CSMD1: variants seen among roughly 807,000 people sequenced by gnomAD.
CSMD1 encodes the protein CUB and sushi domain-containing protein 1.
A neutral mutation model predicts 417.5 loss-of-function variants in CSMD1; 213 were observed. The ratio of observed to expected loss-of-function variants is 0.51; its 90% confidence interval spans 0.46 to 0.57. The LOEUF (loss-of-function observed/expected upper bound fraction) is 0.57, where lower values mean the gene tolerates loss of function less well. Among genes scored for constraint, CSMD1 ranks in the 20% least tolerant of loss-of-function variants. CSMD1 has a pLI of 0.00. For synonymous variants in CSMD1, 2,862 were observed against 1,736.8 expected (o/e 1.65, Z -16.11); for missense variants, 6,923 against 4,529.7 (o/e 1.53, Z -15.17).
chr8:3,528,192 G>C (rs1046549152), intron 10 of CSMD1, among the ~76,000 whole-genome samples: 4 of 152,214 alleles, frequency 2.6e-5, no homozygotes, highest in Non-Finnish European at 5.9e-5. Flanking sequence ...ATCAAAGTTT[G>C]ATTTTGTTGC....
intron 25 of CSMD1, among the ~76,000 whole-genome samples, chr8:3,295,015 A>G (rs1265127835): frequency 6.6e-6 from 1 of 152,172 alleles, no homozygotes. Context: ...GTGTATTTGT[A>G]TTCCTAAACA....
intron 4 of CSMD1, among the ~76,000 whole-genome samples, chr8:4,015,040 T>G (rs1365240535): frequency 1.3e-5 from 2 of 152,184 alleles, no homozygotes; most frequent in Non-Finnish European, 2.9e-5. Flanking sequence ...CTGATTTTTT[T>G]GAACAGTTTT....
intron 50 of CSMD1, among the ~76,000 whole-genome samples, chr8:3,037,285 A>C (rs974786718): frequency 1.4e-5 from 2 of 144,620 alleles, no homozygotes; most frequent in African/African-American, 2.7e-5. Flanking sequence ...GGCTCACTGC[A>C]AGCTCCGCCT....
intron 3 of CSMD1, among the ~76,000 whole-genome samples, chr8:4,287,129 C>T (rs115240797): frequency 0.016 from 2,362 of 152,268 alleles, 67 homozygotes; most frequent in African/African-American, 0.053. Flanking sequence ...TCTTCAACAC[C>T]TAGTCTGTTA....
intron 3 of CSMD1, among the ~76,000 whole-genome samples, chr8:4,177,390 A>C (rs1054650090): frequency 5.1e-4 from 77 of 152,192 alleles, no homozygotes; most frequent in Non-Finnish European, 8.5e-4. Context: ...AACGAGAACA[A>C]AGACACAACA....
chr8:3,145,908 G>C (rs1381734473), intron 40 of CSMD1, among the ~76,000 whole-genome samples: 3 of 152,246 alleles, frequency 2.0e-5, no homozygotes, highest in Non-Finnish European at 2.9e-5. Context: ...CACCTGCACA[G>C]AGAATTTTTG....
At chr8:3,655,538 G>A (rs1030422005) in intron 7 of CSMD1, among the ~76,000 whole-genome samples, 2 of 152,090 alleles carry the variant, frequency 1.3e-5, no homozygotes, top group Admixed American at 6.6e-5. Context: ...TGCACCTGCT[G>A]GGAAACCCAA....
chr8:3,412,704 T>C (rs917609759), intron 12 of CSMD1, among the ~76,000 whole-genome samples: 2 of 152,198 alleles, frequency 1.3e-5, no homozygotes, highest in African/African-American at 4.8e-5. Context: ...AAGCAAAATG[T>C]TCCTAATGCA....
intron 42 of CSMD1, among the ~76,000 whole-genome samples, chr8:3,116,676 G>C (rs7016528): frequency 0.39 from 59,239 of 152,070 alleles, 16,571 homozygotes; most frequent in African/African-American, 0.79. Context: ...AAAATAATTC[G>C]AAGCCAGAGC....
intron 54 of CSMD1, among the ~76,000 whole-genome samples, chr8:2,989,278 ATT>A (rs1172610775): frequency 1.3e-5 from 2 of 152,172 alleles, no homozygotes; most frequent in African/African-American, 4.8e-5. Context: ...TCTTTGAAAT[ATT>A]GTTTTTTCCT....
chr8:4,295,445 CTTA>C (rs953969780), intron 3 of CSMD1, among the ~76,000 whole-genome samples: 74 of 141,836 alleles, frequency 5.2e-4, no homozygotes, highest in African/African-American at 1.6e-3. Context: ...TATATATAAT[CTTA>C]TTATACACAT....
intron 4 of CSMD1, among the ~76,000 whole-genome samples, chr8:4,001,925 A>T (rs1187994585): frequency 6.6e-6 from 1 of 152,200 alleles, no homozygotes; most frequent in East Asian, 1.9e-4. Flanking sequence ...CCTTATGACT[A>T]TTGCATTTCT....
chr8:4,168,210 T>A (rs1316323434), intron 3 of CSMD1, among the ~76,000 whole-genome samples: 1 of 151,138 alleles, frequency 6.6e-6, no homozygotes, highest in Non-Finnish European at 1.5e-5. Context: ...TATATACATA[T>A]ACACACACAT....
chr8:3,326,138 T>A (rs1323615568), intron 23 of CSMD1, among the ~76,000 whole-genome samples: 1 of 152,164 alleles, frequency 6.6e-6, no homozygotes, highest in Non-Finnish European at 1.5e-5. Context: ...ACAGAATGGT[T>A]TCAGTGGGAC....
At chr8:4,422,986 G>A (rs78685709) in intron 2 of CSMD1, among the ~76,000 whole-genome samples, 7 of 151,912 alleles carry the variant, frequency 4.6e-5, no homozygotes, top group East Asian at 1.9e-4. Context: ...CATTGAACAT[G>A]AGAAAAGTTC....
chr8:3,491,236 G>A (rs918044956), intron 11 of CSMD1, among the ~76,000 whole-genome samples: 13 of 152,182 alleles, frequency 8.5e-5, no homozygotes, highest in Non-Finnish European at 4.4e-5. Context: ...TCCTGGAGCA[G>A]TATCACATCA....
chr8:3,803,700 G>C (rs1464987040), intron 5 of CSMD1, among the ~76,000 whole-genome samples: 1 of 152,208 alleles, frequency 6.6e-6, no homozygotes, highest in Non-Finnish European at 1.5e-5. Flanking sequence ...TCAGAATTAG[G>C]AGTTTGGATT....
chr8:4,231,426 T>A (rs368773025), intron 3 of CSMD1, among the ~76,000 whole-genome samples: 1 of 152,318 alleles, frequency 6.6e-6, no homozygotes, highest in Middle Eastern at 3.4e-3. Flanking sequence ...AAAATTACGA[T>A]AAAAGTGATA....
At chr8:3,500,278 A>G (rs990450235) in intron 10 of CSMD1, among the ~76,000 whole-genome samples, 1 of 152,176 alleles carries the variant, frequency 6.6e-6, no homozygotes, top group African/African-American at 2.4e-5. Context: ...GTGAAGGAGG[A>G]AAGTGCTGGG....
Sources: gnomAD v4.1 joint callset for allele counts (sites outside exome capture counted in the v4.1 genomes callset) on GRCh38, gnomAD v4.1.1 for gene constraint, MANE v1.5 for transcripts, NCBI Gene and HGNC (gene_info 2026-07-23, HGNC 2026-07-21) for gene names.